SPOUT1: variants seen among roughly 807,000 people sequenced by gnomAD.
SPOUT1 encodes 28S rRNA (uridine-N(3))-methyltransferase.
In SPOUT1, 40 loss-of-function variants were observed where a neutral mutation model predicts 54.8. The ratio of observed to expected loss-of-function variants is 0.73; its 90% confidence interval spans 0.57 to 0.95. The LOEUF is 0.95. Among genes scored for constraint, SPOUT1 ranks in the 40% least tolerant of loss-of-function variants. The pLI is 0.00. For synonymous variants in SPOUT1, 193 were observed against 200.3 expected, an observed-to-expected ratio of 0.96 and a Z score of 0.31; for missense variants, 437 against 499.5, an observed-to-expected ratio of 0.87 and a Z score of 1.19.
Position 128,821,095 on chromosome 9 carries a change from C to T in SPOUT1, c.*1670G>A, listed in dbSNP as rs555266565. On this transcript the variant is annotated 3_prime_UTR_variant, in exon 12 of 12. Coordinates refer to ENST00000361256, the MANE Select transcript of SPOUT1 (RefSeq NM_016390.4). ...CAGCAGCAGGCCCTGAATCTGCCCC[C>T]GCTTCTCCCTGCTGTCACCTCTTGG... The T allele has an allele frequency of 1.1e-3, 605 of 548,460 alleles. 2 individuals carry two copies. Among genetic ancestry groups the T allele is most frequent in the Non-Finnish European group, 1.8e-3 (554 of 305,252 alleles). 34.0% of individuals were successfully genotyped at this position (548,460 alleles called of 1,614,324 possible). A position where few individuals can be genotyped will look rare whatever the true frequency, so the allele number is the denominator to read the frequency against.
At chr9:128,824,688 G>A (rs1830203080) in intron 9 of SPOUT1, 83 bp downstream of exon 9, 1 of 941,914 alleles carries the variant, frequency 1.1e-6, no homozygotes, top group African/African-American at 1.6e-5. Context: ...AAAAACCCTG[G>A]TCTGATATTT....
rs1346152939 is a variant in SPOUT1 at position 128,823,830 on chromosome 9, G to A, written c.979C>T (p.Leu327=). 1.2e-6 allele frequency: 2 copies of A among 1,612,316 alleles called. No homozygotes were observed. Among genetic ancestry groups the A allele is most frequent in the South Asian group, 2.2e-5 (2 of 90,724 alleles). Residue 327 remains leucine (L), a synonymous_variant, in exon 11 of 12, where the codon CTG becomes TTG. Transcript: ENST00000361256. ...LEAGADADPN[L]EVAEPSVLFD... ...AGGACACTGGGTTCAGCCACCTCCA[G>A]GTTGGGGTCAGCATCCGCTCCAGCT... is the stretch of plus-strand genomic sequence containing the variant.
intron 11 of SPOUT1, among the ~76,000 whole-genome samples, chr9:128,823,361 G>A (rs1157087055): frequency 2.0e-5 from 3 of 152,186 alleles, no homozygotes; most frequent in South Asian, 2.1e-4. Context: ...CCAGCTGCAC[G>A]TGGCTTCCCC....
chr9:128,822,940 C>T, intron 11 of SPOUT1, 107 bp from the exon 12 acceptor site: 1 of 753,570 alleles, frequency 1.3e-6, no homozygotes, highest in Non-Finnish European at 2.2e-6. Flanking sequence ...CCACTGGGGT[C>T]CCCTGTCCTT....
rs1308556550 is a variant in SPOUT1 at position 128,826,434 on chromosome 9, C to T, written c.459-1G>A. The T allele has an allele frequency of 6.2e-7, 1 of 1,614,020 alleles. No individual in the cohort carries two copies. The highest frequency in any genetic ancestry group is 2.2e-5 in the East Asian group (1 of 44,882). ...GGGGAAGAACGCCTTCCTCAGGTACCTAGGAAAGAATGCTGACCTCAGGAT... is the reference window on the plus strand; with the variant it reads ...GGGGAAGAACGCCTTCCTCAGGTACTTAGGAAAGAATGCTGACCTCAGGAT... On this transcript the variant is annotated splice_acceptor_variant, in intron 5 of 11. Transcript: ENST00000361256. LOFTEE classifies it high-confidence loss of function. The surrounding 1 kb of genome is among the most constrained non-coding windows in gnomAD (Gnocchi z 5.5).
Position 128,823,891 on chromosome 9 carries a change from A to G in SPOUT1, c.918T>C (p.His306=). Residue 306 remains histidine (H), a synonymous_variant, in exon 11 of 12, where the codon CAT becomes CAC. Transcript: ENST00000361256. ...GGAGGCCCCCGAACACCACAAGAGC[A>G]TGCCTGGCCCATGTAAGAGGGGGTC... ...VASAQLPNFR[H]ALVVFGGLQG... 6.2e-7 allele frequency: 1 copy of G among 1,613,054 alleles called. No homozygotes were observed. The highest frequency in any genetic ancestry group is 8.5e-7 in the Non-Finnish European group (1 of 1,179,810).
At chr9:128,828,926 T>C (rs1022551687) in intron 2 of SPOUT1, 66 bp from the exon 3 acceptor site, 3 of 1,604,414 alleles carry the variant, frequency 1.9e-6, no homozygotes, top group African/African-American at 2.7e-5. Context: ...GCCTGGACTC[T>C]GGAGAGCTGC....
chr9:128,824,026 T>A, intron 10 of SPOUT1, 46 bp downstream of exon 10: 1 of 1,588,596 alleles, frequency 6.3e-7, no homozygotes, highest in Non-Finnish European at 8.6e-7. Context: ...GGCAGGTTCC[T>A]GGCCACATTC....
At chr9:128,824,011 C>T (rs1239336258) in intron 10 of SPOUT1, 61 bp downstream of exon 10, 1 of 1,579,738 alleles carries the variant, frequency 6.3e-7, no homozygotes, top group Non-Finnish European at 8.7e-7. Flanking sequence ...CAGCTTCACC[C>T]ACCAGGCAGG....
Position 128,825,020 on chromosome 9 carries a change from G to A in SPOUT1, c.669C>T (p.Pro223=), listed in dbSNP as rs146076406. The change falls in exon 8 of 12, where the codon CCC becomes CCT. Residue 223 remains proline (P), a synonymous_variant. Transcript: ENST00000361256. ...KEVKIDKNLE[P]GLRVTVRLNQ... is the part of the protein sequence containing the mutation. The stretch of plus-strand genomic sequence containing the variant: ...TCAGTCGCACAGTCACCCGAAGCCC[G>A]GGCTCCAGGTTCTTGTCAATCTTCA... The A allele has an allele frequency of 1.6e-4, 259 of 1,579,970 alleles. 1 individual carries two copies. Among genetic ancestry groups the A allele is most frequent in the South Asian group, 6.1e-4 (53 of 87,322 alleles).
chr9:128,824,387 G>A (rs1405366652), intron 9 of SPOUT1, among the ~76,000 whole-genome samples: 1 of 151,956 alleles, frequency 6.6e-6, no homozygotes, highest in African/African-American at 2.4e-5. Flanking sequence ...GAGCAGGGGT[G>A]GGTAGAGCTG....
At position 128,821,193 on chromosome 9, in the gene SPOUT1, T is replaced by TC. The variant is rs1225651839; in HGVS notation, c.*1571dup. ...TGCAGTGCACCAAGCTCTCCCACCT[T>TC]CCCCCCGCAGGTCTGCAGTGCACCA... is the stretch of plus-strand genomic sequence containing the variant. On this transcript the variant is annotated 3_prime_UTR_variant, in exon 12 of 12. Transcript: ENST00000361256. 11 of 296,494 alleles carry TC rather than the reference T, an allele frequency of 3.7e-5. 1 individual carries two copies. The highest frequency in any genetic ancestry group is 3.4e-4 in the South Asian group (9 of 26,542). The allele number at this position is 296,494 out of a possible 1,614,324, so 18.4% of individuals were successfully genotyped here. A position where few individuals can be genotyped will look rare whatever the true frequency, so the allele number is the denominator to read the frequency against.
rs1371372399 is a variant in SPOUT1, at chr9:128,829,142, T to A, written c.50A>T (p.Gln17Leu). 1 of 1,614,062 alleles carries A rather than the reference T, an allele frequency of 6.2e-7. No individual in the cohort carries two copies. Among genetic ancestry groups the A allele is most frequent in the East Asian group, 2.2e-5 (1 of 44,878 alleles). Residue 17 changes from glutamine (Q) to leucine (L), a missense_variant, in exon 2 of 12, where the codon CAA (glutamine) becomes CTA (leucine). Transcript: ENST00000361256. ...KRPCGPGEHG[Q>L]RIEWRKWKQQ... ...CTTCCATTTTCGCCACTCAATCCTT[T>A]GGCCGTGTTCACCCTGGAGAAGGAG... is the stretch of plus-strand genomic sequence containing the variant.
Position 128,826,587 on chromosome 9 carries a change from C to T in SPOUT1, c.411G>A (p.Gln137=). The T allele has an allele frequency of 6.2e-7, 1 of 1,602,128 alleles. No individual in the cohort carries two copies. The highest frequency in any genetic ancestry group is 8.5e-7 in the Non-Finnish European group (1 of 1,173,504). Residue 137 remains glutamine, a synonymous_variant, in exon 5 of 12, where the codon CAG becomes CAA. Coordinates refer to ENST00000361256, the MANE Select transcript of SPOUT1 (RefSeq NM_016390.4). This position sits in a 1 kb window ranked among gnomAD's most constrained non-coding sequence, Gnocchi z 5.5. ...GGATCCGGGCCAGCTGTACGCACGC[C>T]TGCCCCTTCTTCCCAACTCCTGTGA... ...GEFTGVGKKG[Q]ACVQLARILQ...
rs144605162 is a variant in SPOUT1 at position 128,826,986 on chromosome 9, C to A, written c.368+46G>T. The A allele has an allele frequency of 6.3e-7, 1 of 1,592,194 alleles. No individual in the cohort carries two copies. The highest frequency in any genetic ancestry group is 1.3e-5 in the African/African-American group (1 of 74,720). The stretch of plus-strand genomic sequence containing the variant: ...TGAAGCCTCGGCCCATCCCGGCAGC[C>A]CCTCCCTCTCCCTGAACCCTGGCAC... On this transcript the variant is annotated intron_variant, in intron 4 of 11. Coordinates refer to ENST00000361256, the MANE Select transcript of SPOUT1 (RefSeq NM_016390.4). The surrounding 1 kb of genome is among the most constrained non-coding windows in gnomAD (Gnocchi z 5.5).
Position 128,827,061 on chromosome 9 carries a change from C to G in SPOUT1, c.339G>C (p.Val113=), listed in dbSNP as rs1240929609. 1 of 1,614,012 alleles carries G rather than the reference C, an allele frequency of 6.2e-7. No homozygotes were observed. Among genetic ancestry groups the G allele is most frequent in the Non-Finnish European group, 8.5e-7 (1 of 1,180,038 alleles). The change falls in exon 4 of 12, where the codon GTG becomes GTC. Residue 113 remains valine, a synonymous_variant. Transcript: ENST00000361256. Reference sequence around the variant, plus strand: ...CATCCTGGCCCTCCTCATCAAACACCACGATCTCATCCACACAGAAGATGG... The same window carrying G: ...CATCCTGGCCCTCCTCATCAAACACGACGATCTCATCCACACAGAAGATGG... ...ACAIFCVDEI[V]VFDEEGQDAK... is the part of the protein sequence containing the mutation.
Position 128,826,318 on chromosome 9 carries a change from C to A in SPOUT1, c.508+66G>T. On this transcript the variant is annotated intron_variant, in intron 6 of 11. Coordinates refer to ENST00000361256, the MANE Select transcript of SPOUT1 (RefSeq NM_016390.4). The surrounding 1 kb of genome is among the most constrained non-coding windows in gnomAD (Gnocchi z 5.5). Reference sequence around the variant, plus strand: ...CCCACCTGGACAGCGCAGGGTAGGACTGGGTGGTCTCAGTGTCTGTGGCAT... The same window carrying A: ...CCCACCTGGACAGCGCAGGGTAGGAATGGGTGGTCTCAGTGTCTGTGGCAT... The A allele has an allele frequency of 6.3e-7, 1 of 1,586,602 alleles. No individual in the cohort carries two copies.
intron 2 of SPOUT1, 74 bp downstream of exon 2, chr9:128,829,036 T>G: frequency 6.6e-7 from 1 of 1,520,902 alleles, no homozygotes; most frequent in Admixed American, 1.7e-5. Context: ...ACAAAGTTGG[T>G]GTCTTTCTCC....
rs1675474567 is a variant in SPOUT1 at position 128,820,223 on chromosome 9, T to C, written c.*2542A>G. The C allele has an allele frequency of 6.5e-6, 1 of 154,560 alleles. No individual in the cohort carries two copies. Among genetic ancestry groups the C allele is most frequent in the South Asian group, 2.0e-4 (1 of 5,004 alleles). 9.6% of individuals were successfully genotyped at this position (154,560 alleles called of 1,614,324 possible). On this transcript the variant is annotated 3_prime_UTR_variant, in exon 12 of 12. Coordinates refer to ENST00000361256, the MANE Select transcript of SPOUT1 (RefSeq NM_016390.4). Reference sequence around the variant, plus strand: ...TGGCACCAATGGATGGAGACTGCCATGGGGCTCTGGGTGGAGCCCATGGGG... The same window carrying C: ...TGGCACCAATGGATGGAGACTGCCACGGGGCTCTGGGTGGAGCCCATGGGG...
Sources: gnomAD v4.1 joint callset for allele counts (sites outside exome capture counted in the v4.1 genomes callset) on GRCh38, gnomAD v4.1.1 for gene constraint, Gnocchi (gnomAD v3.1) non-coding constraint, MANE v1.5 for transcripts, NCBI Gene and HGNC (gene_info 2026-07-23, HGNC 2026-07-21) for gene names.